Variants in CEP112 observed in about 807,000 individuals in gnomAD.
CEP112 encodes the protein centrosomal protein 112.
Under a neutral mutation model 153.0 loss-of-function variants are expected in CEP112, and 127 were observed. That is an observed-to-expected ratio of 0.83 (90% CI 0.72 to 0.96). CEP112 has a LOEUF of 0.96. CEP112 is among the 40% of genes least tolerant of loss of function. CEP112 has a pLI of 0.00. For missense variants in CEP112, 1,089 were observed against 1,101.2 expected (o/e 0.99, Z 0.16); for synonymous variants, 358 against 374.4 (o/e 0.96, Z 0.51).
intron 10 of CEP112, among the ~76,000 whole-genome samples, chr17:66,065,409 T>C (rs2146036440): frequency 2.0e-5 from 3 of 152,260 alleles, no homozygotes; most frequent in Non-Finnish European, 4.4e-5. Context: ...CACTCCATTC[T>C]GCCTCTGCCT....
At position 66,029,930 on chromosome 17, in the gene CEP112, T is replaced by C; in HGVS notation, c.1312A>G (p.Lys438Glu). Residue 438 changes from lysine (K) to glutamate (E), a missense_variant, in exon 13 of 27, where the codon AAA becomes GAA. Transcript: ENST00000535342. ...TGGTAACATCTTTCAAGTTCTGCTT[T>C]TTCTTGAATTAATTTCTGCCTCTGT... ...NLQRQKLIQE[K>E]AELERCYQIT... 3 of 1,613,876 alleles carry C rather than the reference T, an allele frequency of 1.9e-6. No homozygotes were observed. The highest frequency in any genetic ancestry group is 2.2e-5 in the East Asian group (1 of 44,866).
intron 23 of CEP112, among the ~76,000 whole-genome samples, chr17:65,736,832 A>C (rs1331079584): frequency 6.6e-6 from 1 of 152,186 alleles, no homozygotes; most frequent in Non-Finnish European, 1.5e-5. Context: ...GCACTTCTGT[A>C]ATCTACCATT....
intron 24 of CEP112, among the ~76,000 whole-genome samples, chr17:65,648,872 G>A (rs1033139200): frequency 8.5e-5 from 13 of 152,140 alleles, no homozygotes; most frequent in Middle Eastern, 3.4e-3. Flanking sequence ...CCAACATGGC[G>A]AAACCCCATC....
intron 5 of CEP112, among the ~76,000 whole-genome samples, chr17:66,131,887 G>T (rs924893126): frequency 6.6e-6 from 1 of 151,998 alleles, no homozygotes; most frequent in African/African-American, 2.4e-5. Flanking sequence ...AGCTAACTGG[G>T]GCTGGGTGCA....
intron 21 of CEP112, among the ~76,000 whole-genome samples, chr17:65,817,566 T>A (rs1191543782): frequency 2.0e-5 from 3 of 151,946 alleles, no homozygotes; most frequent in African/African-American, 7.2e-5. Flanking sequence ...CCTATTTATT[T>A]CTAGCTTCTT....
At chr17:66,155,641 C>T (rs2071406795) in intron 4 of CEP112, among the ~76,000 whole-genome samples, 1 of 152,122 alleles carries the variant, frequency 6.6e-6, no homozygotes. Context: ...AGCTAAGATC[C>T]AACGGCTTGA....
intron 21 of CEP112, among the ~76,000 whole-genome samples, chr17:65,846,594 A>T (rs1187056094): frequency 2.6e-5 from 4 of 152,006 alleles, no homozygotes; most frequent in African/African-American, 9.7e-5. Flanking sequence ...TTTGAGACGG[A>T]GTCTCGCTCT....
At chr17:65,940,764 T>C (rs565612620) in intron 18 of CEP112, among the ~76,000 whole-genome samples, 3 of 152,238 alleles carry the variant, frequency 2.0e-5, no homozygotes, top group African/African-American at 7.2e-5. Context: ...GGAGATACTG[T>C]TCAAAGGGTA....
chr17:65,768,944 C>G (rs2053172399), intron 21 of CEP112, among the ~76,000 whole-genome samples: 1 of 151,868 alleles, frequency 6.6e-6, no homozygotes, highest in Admixed American at 6.6e-5. Flanking sequence ...AACCATTAGA[C>G]AGTAAGAAGA....
At chr17:65,937,574 G>A (rs1292962761) in intron 18 of CEP112, among the ~76,000 whole-genome samples, 10 of 84,544 alleles carry the variant, frequency 1.2e-4, no homozygotes, top group East Asian at 1.1e-3. Context: ...GGTGGGGGGG[G>A]TCAGCCCCCC....
At chr17:66,075,471 T>G (rs1396454045) in intron 8 of CEP112, among the ~76,000 whole-genome samples, 3 of 150,578 alleles carry the variant, frequency 2.0e-5, no homozygotes, top group African/African-American at 7.3e-5. Flanking sequence ...AAAATTAAAA[T>G]AGAATAACAA....
rs142086758 is a variant in CEP112 at position 65,740,265 on chromosome 17, G to A, written c.2607+2803C>T. On this transcript the variant is annotated intron_variant, in intron 23 of 26. Coordinates refer to ENST00000535342, the MANE Select transcript of CEP112 (RefSeq NM_001199165.4). The stretch of plus-strand genomic sequence containing the variant: ...AAAGGATATAGAGAATGCTGGTGTT[G>A]CAGGTACCTGTCACATAAGAGGAGC... Among the ~76,000 whole-genome samples, 783 of 152,236 alleles carry A rather than the reference G, an allele frequency of 5.1e-3. 6 individuals are homozygous for A. The highest frequency in any genetic ancestry group is 0.018 in the African/African-American group (748 of 41,552).
intron 21 of CEP112, among the ~76,000 whole-genome samples, chr17:65,752,777 T>C (rs2051968338): frequency 6.6e-6 from 1 of 152,212 alleles, no homozygotes; most frequent in African/African-American, 2.4e-5. Flanking sequence ...TTGTTCAGTT[T>C]TTAGGATTAT....
rs531043861 is a variant in CEP112 at position 65,925,187 on chromosome 17, G to A, written c.1980+2395C>T. The stretch of plus-strand genomic sequence containing the variant: ...GTAAATAAGTCTCACAAGATCCGAC[G>A]GTTTTATAAATGGGAGTTCCCCTGC... On this transcript the variant is annotated intron_variant, in intron 19 of 26. Coordinates refer to ENST00000535342, the MANE Select transcript of CEP112 (RefSeq NM_001199165.4). 1.9e-4 allele frequency among the ~76,000 whole-genome samples: 29 copies of A among 152,248 alleles called. 1 individual carries two copies. In the South Asian group the frequency reaches 3.5e-3, roughly 19 times the overall value.
chr17:66,062,059 G>A (rs959529564), intron 11 of CEP112, among the ~76,000 whole-genome samples: 2 of 152,108 alleles, frequency 1.3e-5, no homozygotes, highest in Non-Finnish European at 2.9e-5. Flanking sequence ...GCCGCCTTGT[G>A]AAGAAGGTGG....
chr17:65,954,275 T>C (rs1458321868), intron 18 of CEP112, among the ~76,000 whole-genome samples: 2 of 152,184 alleles, frequency 1.3e-5, no homozygotes, highest in East Asian at 1.9e-4. Flanking sequence ...GCTCCGCTCT[T>C]AGGAAGCCTC....
rs1319498175 is a variant in CEP112, at chr17:66,062,954, G to A, written c.1074+9C>T. 7.1e-7 allele frequency: 1 copy of A among 1,405,244 alleles called. No individual in the cohort carries two copies. The highest frequency in any genetic ancestry group is 1.4e-5 in the African/African-American group (1 of 69,208). The allele number at this position is 1,405,244 out of a possible 1,614,324, so 87.0% of individuals were successfully genotyped here. A position where few individuals can be genotyped will look rare whatever the true frequency, so the allele number is the denominator to read the frequency against. On this transcript the variant is annotated intron_variant, in intron 11 of 26. Coordinates refer to ENST00000535342, the MANE Select transcript of CEP112 (RefSeq NM_001199165.4). The stretch of plus-strand genomic sequence containing the variant: ...TTTATGTTTTCCATTAGTATTTTAT[G>A]TAGCTTACCTTTTTTTCCCAGTCAT...
At chr17:65,852,078 G>GA in intron 20 of CEP112, 44 bp from the exon 21 acceptor site, 1 of 1,394,952 alleles carries the variant, frequency 7.2e-7, no homozygotes, top group Admixed American at 2.1e-5. Flanking sequence ...TATCAATAGG[G>GA]AAGTCACAAA....
At chr17:66,158,262 A>C (rs1347506798) in intron 4 of CEP112, among the ~76,000 whole-genome samples, 2 of 152,174 alleles carry the variant, frequency 1.3e-5, no homozygotes, top group Non-Finnish European at 2.9e-5. Flanking sequence ...CTACATGCAA[A>C]CTGAACAACC....
Sources: allele counts gnomAD v4.1 joint callset (sites outside exome capture counted in the v4.1 genomes callset), GRCh38; gene constraint gnomAD v4.1.1; transcripts MANE v1.5; gene names NCBI Gene and HGNC (gene_info 2026-07-23, HGNC 2026-07-21).